Variants in SOX6 observed in about 807,000 individuals in gnomAD.
SOX6 encodes transcription factor SOX-6.
In SOX6, 11 loss-of-function variants were observed where a neutral mutation model predicts 97.8. The ratio of observed to expected loss-of-function variants is 0.11; its 90% CI spans 0.07 to 0.19. SOX6 has a LOEUF of 0.19. Among genes scored for constraint, SOX6 ranks in the 10% least tolerant of loss-of-function variants. SOX6 has a pLI of 1.00. For synonymous variants in SOX6, 360 were observed against 371.4 expected (o/e 0.97, Z 0.35); for missense variants, 810 against 1,039.5 (o/e 0.78, Z 3.04).
chr11:16,478,079 C>T (rs769933680), upstream of SOX6, among the ~76,000 whole-genome samples: 3 of 152,220 alleles, frequency 2.0e-5, no homozygotes, highest in Admixed American at 6.5e-5. Flanking sequence ...TCCTCACGTG[C>T]TATCCCCCGC....
intron 3 of SOX6, among the ~76,000 whole-genome samples, chr11:16,612,527 T>A (rs1165788505): frequency 1.3e-5 from 2 of 151,542 alleles, no homozygotes; most frequent in Non-Finnish European, 2.9e-5. Flanking sequence ...CAGAGAAAGA[T>A]TTTTAACTTA....
chr11:16,423,730 A>G (rs1859067178), intron 1 of SOX6, among the ~76,000 whole-genome samples: 1 of 152,186 alleles, frequency 6.6e-6, no homozygotes, highest in Non-Finnish European at 1.5e-5. Context: ...AACAGGCAGA[A>G]CTAAGGCTGA....
chr11:16,238,054 C>A (rs138777673), intron 3 of SOX6, among the ~76,000 whole-genome samples: 28 of 151,928 alleles, frequency 1.8e-4, no homozygotes, highest in African/African-American at 6.0e-4. Flanking sequence ...AAATTAATTC[C>A]TCTTACTTTG....
At chr11:16,236,235 G>A (rs767585296) in intron 3 of SOX6, among the ~76,000 whole-genome samples, 11 of 151,986 alleles carry the variant, frequency 7.2e-5, no homozygotes, top group African/African-American at 7.2e-5. Flanking sequence ...GCATATGTTC[G>A]GGTTGCATTT....
At chr11:16,655,114 C>G (rs151234976) in intron 3 of SOX6, among the ~76,000 whole-genome samples, 56 of 152,262 alleles carry the variant, frequency 3.7e-4, no homozygotes, top group African/African-American at 1.2e-3. Flanking sequence ...CCCAAAACCT[C>G]ATGGGGACTT....
intron 7 of SOX6, among the ~76,000 whole-genome samples, chr11:16,102,466 C>T (rs1848973160): frequency 6.6e-6 from 1 of 151,810 alleles, no homozygotes; most frequent in Non-Finnish European, 1.5e-5. Flanking sequence ...AAGCAATCTA[C>T]AAATTCAATG....
chr11:16,569,145 T>G (rs1170957644), intron 4 of SOX6, among the ~76,000 whole-genome samples: 2 of 152,230 alleles, frequency 1.3e-5, no homozygotes, highest in Non-Finnish European at 2.9e-5. Context: ...TTTTTTAGCA[T>G]GCCAACCCCA....
chr11:16,451,180 C>T (rs1364792024), intron 1 of SOX6, among the ~76,000 whole-genome samples: 3 of 151,592 alleles, frequency 2.0e-5, no homozygotes, highest in African/African-American at 7.3e-5. Context: ...TGCAGTGAGC[C>T]GAGATCACAC....
At chr11:16,487,968 C>T (rs994741791) in intron 4 of SOX6, among the ~76,000 whole-genome samples, 3 of 152,188 alleles carry the variant, frequency 2.0e-5, no homozygotes, top group African/African-American at 7.2e-5. Context: ...CAACTGGATA[C>T]AGACCAGAAC....
intron 4 of SOX6, among the ~76,000 whole-genome samples, chr11:16,226,169 G>A (rs1852681656): frequency 6.6e-6 from 1 of 152,020 alleles, no homozygotes; most frequent in Admixed American, 6.6e-5. Context: ...TCTGTCAGAA[G>A]AGACTGTTAT....
chr11:16,024,395 A>C (rs1855158796), intron 12 of SOX6, among the ~76,000 whole-genome samples: 1 of 151,794 alleles, frequency 6.6e-6, no homozygotes, highest in Non-Finnish European at 1.5e-5. Flanking sequence ...AAAATTATCA[A>C]ATAATAAAGC....
intron 4 of SOX6, among the ~76,000 whole-genome samples, chr11:16,514,708 C>A (rs1417476416): frequency 9.6e-5 from 12 of 124,356 alleles, no homozygotes; most frequent in African/African-American, 3.3e-4. Context: ...CCCCCCACCC[C>A]ACAACAGTCC....
intron 4 of SOX6, among the ~76,000 whole-genome samples, chr11:16,532,284 G>A (rs1861247000): frequency 6.6e-6 from 1 of 151,718 alleles, no homozygotes; most frequent in Non-Finnish European, 1.5e-5. Flanking sequence ...ATTTAGGAAA[G>A]GGCCTATTTA....
chr11:16,153,777 C>G (rs983211043), intron 6 of SOX6, among the ~76,000 whole-genome samples: 1 of 152,010 alleles, frequency 6.6e-6, no homozygotes, highest in Non-Finnish European at 1.5e-5. Context: ...ATCTCAAACT[C>G]AAGTTTTCCA....
intron 4 of SOX6, among the ~76,000 whole-genome samples, chr11:16,572,129 C>T (rs1443114348): frequency 6.8e-6 from 1 of 147,476 alleles, no homozygotes. Flanking sequence ...ATAAATGTGT[C>T]ATGGTATACT....
In SOX6 at chr11:16,539,882, C is replaced by A. The variant is rs183078247; in HGVS notation, n.610-63494G>T. Among the ~76,000 whole-genome samples the A allele has an allele frequency of 3.2e-3, 483 of 152,206 alleles. 23 individuals are homozygous for A. In the East Asian group the frequency reaches 0.079, roughly 25 times the overall value. ...CAAACGGACTCACAGCCAAATTCTA[C>A]CAGAGGTACAAAGAGGAGCTGGTAC... On this transcript the variant is annotated intron_variant and non_coding_transcript_variant, in intron 4 of 5. Transcript: ENST00000524520.
At chr11:16,176,774 C>T (rs1565000200) in intron 6 of SOX6, among the ~76,000 whole-genome samples, 1 of 151,804 alleles carries the variant, frequency 6.6e-6, no homozygotes, top group Non-Finnish European at 1.5e-5. Flanking sequence ...AACTGAAGTG[C>T]AGTAAGATTT....
At chr11:16,494,076 T>G (rs1860554952) in intron 4 of SOX6, among the ~76,000 whole-genome samples, 2 of 152,216 alleles carry the variant, frequency 1.3e-5, no homozygotes, top group African/African-American at 4.8e-5. Context: ...TATAATGTAG[T>G]CAGTTACAAG....
At chr11:16,134,923 G>A (rs1849923034) in intron 6 of SOX6, among the ~76,000 whole-genome samples, 1 of 152,158 alleles carries the variant, frequency 6.6e-6, no homozygotes, top group African/African-American at 2.4e-5. Context: ...GTCAATGCCT[G>A]GCTTCAACAC....
Sources: allele counts gnomAD v4.1 joint callset (sites outside exome capture counted in the v4.1 genomes callset), GRCh38; gene constraint gnomAD v4.1.1; transcripts MANE v1.5; gene names NCBI Gene and HGNC (gene_info 2026-07-23, HGNC 2026-07-21).